Variants in CCSER2 observed in about 807,000 individuals in gnomAD.
The protein encoded by CCSER2 is coiled-coil serine rich protein 2, also known as serine-rich coiled-coil domain-containing protein 2.
Under a neutral mutation model 92.3 loss-of-function variants are expected in CCSER2, and 46 were observed. The observed-to-expected ratio is 0.50, with a 90% CI of 0.39 to 0.64. The LOEUF (loss-of-function observed/expected upper bound fraction) is 0.64. Ranked by LOEUF, CCSER2 falls within the 30% of genes least tolerant of loss-of-function variation. CCSER2 has a pLI of 0.00. For missense variants in CCSER2, 1,244 were observed against 1,238.9 expected, an observed-to-expected ratio of 1.00 and a Z score of -0.06; for synonymous variants, 433 against 431.4, an observed-to-expected ratio of 1.00 and a Z score of -0.04.
chr10:84,439,526 A>G (rs928198191), intron 6 of CCSER2, among the ~76,000 whole-genome samples: 5 of 152,194 alleles, frequency 3.3e-5, no homozygotes, highest in African/African-American at 1.2e-4. Flanking sequence ...CCATCAAAAC[A>G]AAACATGCAG....
At chr10:84,475,867 C>G (rs529294850) in intron 8 of CCSER2, among the ~76,000 whole-genome samples, 2 of 152,228 alleles carry the variant, frequency 1.3e-5, no homozygotes, top group South Asian at 4.1e-4. Flanking sequence ...GAGTCTCACT[C>G]TGTCACCCAG....
At chr10:84,437,098 AC>A (rs1458026854) in intron 5 of CCSER2, among the ~76,000 whole-genome samples, 8 of 151,810 alleles carry the variant, frequency 5.3e-5, no homozygotes, top group African/African-American at 1.9e-4. Flanking sequence ...AGCCTGAGCA[AC>A]CCGTCTCTAC....
chr10:84,499,805 A>G (rs946820512), intron 9 of CCSER2: 22 of 1,448,362 alleles, frequency 1.5e-5, no homozygotes, highest in Middle Eastern at 1.7e-4. Context: ...AAAACAAAGT[A>G]TGACTTGGTT....
At chr10:84,400,166 C>A (rs1378949780) in intron 3 of CCSER2, among the ~76,000 whole-genome samples, 1 of 151,432 alleles carries the variant, frequency 6.6e-6, no homozygotes, top group African/African-American at 2.4e-5. Context: ...CAAATATTTT[C>A]TCCCATTCTG....
chr10:84,402,640 A>G (rs1842179523), intron 3 of CCSER2, among the ~76,000 whole-genome samples: 1 of 152,192 alleles, frequency 6.6e-6, no homozygotes, highest in Non-Finnish European at 1.5e-5. Flanking sequence ...ACTAATAGAA[A>G]ATAACTTGAC....
intron 3 of CCSER2, among the ~76,000 whole-genome samples, chr10:84,387,365 C>G (rs548387494): frequency 6.6e-6 from 1 of 152,200 alleles, no homozygotes; most frequent in Admixed American, 6.6e-5. Flanking sequence ...TGCTGTGATA[C>G]TGACTTAGTG....
intron 1 of CCSER2, among the ~76,000 whole-genome samples, chr10:84,368,458 T>C (rs934400629): frequency 3.9e-5 from 6 of 152,140 alleles, no homozygotes; most frequent in African/African-American, 1.4e-4. Context: ...TTAGTCTTTT[T>C]TCACTCTATA....
At chr10:84,480,747 T>G (rs1420664726) in intron 9 of CCSER2, among the ~76,000 whole-genome samples, 1 of 152,188 alleles carries the variant, frequency 6.6e-6, no homozygotes, top group Non-Finnish European at 1.5e-5. Context: ...TTGTTAACAT[T>G]TTATATATGG....
At chr10:84,470,527 A>G (rs1724775754) in intron 8 of CCSER2, 69 bp downstream of exon 8, 6 of 1,254,522 alleles carry the variant, frequency 4.8e-6, no homozygotes, top group Non-Finnish European at 6.2e-6. Flanking sequence ...TAAAACTCTG[A>G]GCCAGAAGTA....
chr10:84,399,479 G>A (rs907570503), intron 3 of CCSER2, among the ~76,000 whole-genome samples: 5 of 152,204 alleles, frequency 3.3e-5, no homozygotes, highest in Admixed American at 6.5e-5. Flanking sequence ...AATAAGAGTC[G>A]GAGATAGGAA....
At chr10:84,432,102 T>C (rs901033151) in intron 5 of CCSER2, among the ~76,000 whole-genome samples, 31 of 152,326 alleles carry the variant, frequency 2.0e-4, no homozygotes, top group Admixed American at 1.6e-3. Context: ...CTATTAGGTA[T>C]GTAGTGGTAT....
intron 7 of CCSER2, among the ~76,000 whole-genome samples, chr10:84,467,787 T>C (rs1360658037): frequency 6.6e-6 from 1 of 152,224 alleles, no homozygotes; most frequent in African/African-American, 2.4e-5. Context: ...AAATACAGTG[T>C]CACCCTTGAA....
At chr10:84,336,845 AGAT>A (rs142449104) in intron 1 of CCSER2, among the ~76,000 whole-genome samples, 18,484 of 152,032 alleles carry the variant, frequency 0.12, 3,245 homozygotes, top group African/African-American at 0.39. Flanking sequence ...CCTAAGTGGG[AGAT>A]GATGATTTTA....
At chr10:84,342,044 A>G (rs1402634574) in intron 1 of CCSER2, among the ~76,000 whole-genome samples, 1 of 151,968 alleles carries the variant, frequency 6.6e-6, no homozygotes, top group Non-Finnish European at 1.5e-5. Context: ...TTGGTGATCA[A>G]CTCAGCCTTC....
At chr10:84,471,792 C>A (rs1402520172) in intron 8 of CCSER2, among the ~76,000 whole-genome samples, 1 of 151,698 alleles carries the variant, frequency 6.6e-6, no homozygotes, top group Non-Finnish European at 1.5e-5. Context: ...ATTTATAAAT[C>A]CTTAATTTTT....
intron 6 of CCSER2, among the ~76,000 whole-genome samples, chr10:84,444,741 T>C (rs942354080): frequency 6.6e-6 from 1 of 152,202 alleles, no homozygotes; most frequent in African/African-American, 2.4e-5. Context: ...AAGAGTTCAC[T>C]TGAAAAAAGT....
intron 6 of CCSER2, among the ~76,000 whole-genome samples, chr10:84,460,760 TAG>T (rs1186355919): frequency 6.6e-6 from 1 of 152,200 alleles, no homozygotes; most frequent in Non-Finnish European, 1.5e-5. Flanking sequence ...TTTGTGTGTG[TAG>T]AGTCATTCAT....
intron 9 of CCSER2, among the ~76,000 whole-genome samples, chr10:84,496,155 TTA>T (rs1848438613): frequency 6.6e-6 from 1 of 152,176 alleles, no homozygotes; most frequent in Non-Finnish European, 1.5e-5. Context: ...TGTAGAAACT[TTA>T]TGTCCTTTTA....
intron 8 of CCSER2, among the ~76,000 whole-genome samples, chr10:84,472,295 A>G (rs1589757639): frequency 1.3e-5 from 2 of 152,274 alleles, no homozygotes; most frequent in Non-Finnish European, 2.9e-5. Context: ...GAGGCTGGGC[A>G]TGGTAGCTCA....
Sources: allele counts gnomAD v4.1 joint callset (sites outside exome capture counted in the v4.1 genomes callset), GRCh38; gene constraint gnomAD v4.1.1; transcripts MANE v1.5; gene names NCBI Gene and HGNC (gene_info 2026-07-23, HGNC 2026-07-21).